LRP10: variants seen among roughly 807,000 people sequenced by gnomAD.
The protein encoded by LRP10 is low-density lipoprotein receptor-related protein 10.
LRP10 carries 42 observed loss-of-function variants against 58.5 expected under a neutral mutation model. That is an observed-to-expected ratio of 0.72 (90% confidence interval 0.56 to 0.93). The LOEUF (loss-of-function observed/expected upper bound fraction) is 0.93. LRP10 is among the 40% of genes least tolerant of loss of function. The pLI is 0.00. For missense variants in LRP10, 872 were observed against 940.1 expected (o/e 0.93, Z 0.95); for synonymous variants, 377 against 388.5 (o/e 0.97, Z 0.35).
rs1443532884 is a variant in LRP10 at position 22,877,737 on chromosome 14, C to T, written c.*210C>T. On this transcript the variant is annotated 3_prime_UTR_variant, in exon 7 of 7. Transcript: ENST00000359591. This position sits in a 1 kb window ranked among gnomAD's most constrained non-coding sequence, Gnocchi z 5.1. ...GAGGGCTCACAGAGTCTCCTCTGTA[C>T]GTGGCCATGGCCAGACACCCCAGTC... 1.2e-5 allele frequency: 6 copies of T among 494,094 alleles called. No individual in the cohort carries two copies. Among genetic ancestry groups the T allele is most frequent in the African/African-American group, 3.9e-5 (2 of 51,022 alleles). The allele number at this position is 494,094 out of a possible 1,614,324, so 30.6% of individuals were successfully genotyped here. A position where few individuals can be genotyped will look rare whatever the true frequency, so the allele number is the denominator to read the frequency against.
chr14:22,875,568 G>C lies in LRP10; in HGVS notation c.620G>C (p.Gly207Ala). The C allele has an allele frequency of 6.2e-7, 1 of 1,614,088 alleles. No homozygotes were observed. The highest frequency in any genetic ancestry group is 8.5e-7 in the Non-Finnish European group (1 of 1,179,992). ...EDFYGVFSSPGYTHLASVSHP... is the reference protein window; with the variant it reads ...EDFYGVFSSPAYTHLASVSHP... ...TTCTATGGGGTCTTCTCCTCTCCTG[G>C]ATATACACACCTAGCCTCAGTCTCC... Residue 207 changes from glycine to alanine, a missense_variant, in exon 5 of 7, where the codon GGA (glycine) becomes GCA (alanine). Coordinates refer to ENST00000359591, the MANE Select transcript of LRP10 (RefSeq NM_014045.5).
chr14:22,873,287 C>G (rs1338978594), intron 2 of LRP10, 24 bp from the exon 3 acceptor site: 3 of 1,605,994 alleles, frequency 1.9e-6, no homozygotes, highest in East Asian at 2.2e-5. Flanking sequence ...GTCTACTACC[C>G]GTGTCCTACC....
At chr14:22,874,963 C>G in intron 3 of LRP10, 92 bp from the exon 4 acceptor site, 1 of 871,468 alleles carries the variant, frequency 1.1e-6, no homozygotes, top group Non-Finnish European at 1.7e-6. Context: ...GTTTATGCTT[C>G]CTGGGACACA....
Position 22,875,785 on chromosome 14 carries a change from G to A in LRP10, c.837G>A (p.Leu279=). The change falls in exon 5 of 7, where the codon CTG becomes CTA. Residue 279 remains leucine, a synonymous_variant. Transcript: ENST00000359591. ...SNGKAVTVET[L]SGQAVVSYHT... is the part of the protein sequence containing the mutation. ...GCAAGGCTGTCACTGTGGAGACACT[G>A]TCTGGCCAGGCTGTTGTGTCCTACC... is the stretch of plus-strand genomic sequence containing the variant. The A allele has an allele frequency of 6.2e-7, 1 of 1,614,184 alleles. No homozygotes were observed. The highest frequency in any genetic ancestry group is 8.5e-7 in the Non-Finnish European group (1 of 1,180,014).
chr14:22,872,260 C>G lies in LRP10; in HGVS notation c.-44C>G, dbSNP rs2039962199. 6.2e-7 allele frequency: 1 copy of G among 1,610,910 alleles called. No homozygotes were observed. ...TCCGCCGCGACCCCATCGGGTAGAC[C>G]ACAGAAGCTCCGGGACCCTTCCGGC... On this transcript the variant is annotated 5_prime_UTR_variant, in exon 1 of 7. Transcript: ENST00000359591.
Position 22,879,348 on chromosome 14 carries a change from T to C in LRP10, c.*1821T>C. Reference sequence around the variant, plus strand: ...AGAGGGCTCTGGAGAACCTGGTTCTTGCTTACTGTTCTCCCTTTGGGCCCT... The same window carrying C: ...AGAGGGCTCTGGAGAACCTGGTTCTCGCTTACTGTTCTCCCTTTGGGCCCT... On this transcript the variant is annotated 3_prime_UTR_variant, in exon 7 of 7. Transcript: ENST00000359591. 2.9e-6 allele frequency: 1 copy of C among 350,310 alleles called. No homozygotes were observed. Among genetic ancestry groups the C allele is most frequent in the South Asian group, 2.0e-5 (1 of 50,502 alleles). 21.7% of individuals were successfully genotyped at this position (350,310 alleles called of 1,614,324 possible).
In LRP10 at chr14:22,875,710, G is replaced by A. The variant is rs142184150; in HGVS notation, c.762G>A (p.Gly254=). ...GDAVHVYDGP[G]PPESSRLLRS... ...CAGTGCATGTGTATGACGGCCCTGG[G>A]CCCCCTGAGAGCTCCCGACTACTGC... The change falls in exon 5 of 7, where the codon GGG becomes GGA. Residue 254 remains glycine, a synonymous_variant. Coordinates refer to ENST00000359591, the MANE Select transcript of LRP10 (RefSeq NM_014045.5). 815 of 1,613,762 alleles carry A rather than the reference G, an allele frequency of 5.1e-4. 3 individuals are homozygous for A. Among genetic ancestry groups the A allele is most frequent in the Non-Finnish European group, 6.5e-4 (767 of 1,179,826 alleles).
rs1566494162 is a variant in LRP10, at chr14:22,876,991, A to G, written c.1606A>G (p.Met536Val). ...TCTGCTACAGATCTTACGCCAGGAT[A>G]TGACTCCAGGAGGTGGCCCAGGTGC... ...RSLLQILRQDMTPGGGPGARR... is the reference protein window; with the variant it reads ...RSLLQILRQDVTPGGGPGARR... Residue 536 changes from methionine to valine, a missense_variant, in exon 7 of 7, where the codon ATG becomes GTG. Coordinates refer to ENST00000359591, the MANE Select transcript of LRP10 (RefSeq NM_014045.5). 1.2e-6 allele frequency: 2 copies of G among 1,607,614 alleles called. No individual in the cohort carries two copies. The highest frequency in any genetic ancestry group is 1.1e-5 in the South Asian group (1 of 90,268).
chr14:22,873,388 T>C lies in LRP10; in HGVS notation c.157T>C (p.Ser53Pro), dbSNP rs777228337. The part of the protein sequence containing the change: ...QRPLVRDSRT[S>P]PANCTWLILG... ...GCCCCTGGTCCGGGACAGCCGCACC[T>C]CCCCTGCCAACTGCACCTGGCTCAT... Residue 53 changes from serine (S) to proline (P), a missense_variant, in exon 3 of 7, where the codon TCC (serine) becomes CCC (proline). Physicochemically the swap from Ser to Pro is moderately conservative, Grantham distance 74 (BLOSUM62 -1). Transcript: ENST00000359591. The C allele has an allele frequency of 6.2e-7, 1 of 1,613,974 alleles. No individual in the cohort carries two copies. The highest frequency in any genetic ancestry group is 8.5e-7 in the Non-Finnish European group (1 of 1,179,966).
In LRP10 at chr14:22,877,429, G is replaced by A; in HGVS notation, c.2044G>A (p.Val682Ile). The part of the protein sequence containing the change: ...TRSPPGPHTA[V>I]LALEDEDDVL... ...GAGCCCCCCTGGACCCCACACAGCA[G>A]TCCTGGCCCTGGAAGATGAGGACGA... is the stretch of plus-strand genomic sequence containing the variant. Residue 682 changes from valine to isoleucine, a missense_variant, in exon 7 of 7, where the codon GTC becomes ATC. Transcript: ENST00000359591. The surrounding 1 kb of genome is among the most constrained non-coding windows in gnomAD (Gnocchi z 5.1). 1 of 1,613,812 alleles carries A rather than the reference G, an allele frequency of 6.2e-7. No homozygotes were observed. The highest frequency in any genetic ancestry group is 8.5e-7 in the Non-Finnish European group (1 of 1,179,950).
At position 22,877,453 on chromosome 14, in the gene LRP10, G is replaced by T; in HGVS notation, c.2068G>T (p.Asp690Tyr). The T allele has an allele frequency of 6.2e-7, 1 of 1,613,434 alleles. No homozygotes were observed. Among genetic ancestry groups the T allele is most frequent in the Non-Finnish European group, 8.5e-7 (1 of 1,179,908 alleles). ...TAVLALEDED[D>Y]VLLVPLAEPG... ...AGTCCTGGCCCTGGAAGATGAGGAC[G>T]ATGTGCTACTGGTGCCACTGGCTGA... Residue 690 changes from aspartate (D) to tyrosine (Y), a missense_variant, in exon 7 of 7, where the codon GAT becomes TAT. Coordinates refer to ENST00000359591, the MANE Select transcript of LRP10 (RefSeq NM_014045.5). This position sits in a 1 kb window ranked among gnomAD's most constrained non-coding sequence, Gnocchi z 5.1.
chr14:22,876,678 A>G lies in LRP10; in HGVS notation c.1425-11A>G. 1 of 1,612,598 alleles carries G rather than the reference A, an allele frequency of 6.2e-7. No individual in the cohort carries two copies. Among genetic ancestry groups the G allele is most frequent in the Non-Finnish European group, 8.5e-7 (1 of 1,179,218 alleles). Reference sequence around the variant, plus strand: ...AACTACCAGTGACTGAGCAGTCCTCATTCCTTCTAGCATCTTTGCCCCCCT... The same window carrying G: ...AACTACCAGTGACTGAGCAGTCCTCGTTCCTTCTAGCATCTTTGCCCCCCT... On this transcript the variant is annotated splice_polypyrimidine_tract_variant and intron_variant, in intron 5 of 6. Transcript: ENST00000359591.
rs746149096 is a variant in LRP10 at position 22,876,264 on chromosome 14, G to A, written c.1316G>A (p.Arg439His). ...TGGGACTGCTCCTATGTTCTGCCCC[G>A]CAAGGTCATTACAGCTGCAGTCATT... ...DEWDCSYVLPRKVITAAVIGS... is the reference protein window; with the variant it reads ...DEWDCSYVLPHKVITAAVIGS... Residue 439 changes from arginine (R) to histidine (H), a missense_variant, in exon 5 of 7, where the codon CGC becomes CAC. By Grantham distance (29) the Arg-to-His change is conservative. Coordinates refer to ENST00000359591, the MANE Select transcript of LRP10 (RefSeq NM_014045.5). 76 of 1,614,018 alleles carry A rather than the reference G, an allele frequency of 4.7e-5. No homozygotes were observed. The highest frequency in any genetic ancestry group is 6.6e-5 in the South Asian group (6 of 91,096).
Position 22,876,274 on chromosome 14 carries a change from T to C in LRP10, c.1326T>C (p.Ile442=). The change falls in exon 5 of 7, where the codon ATT becomes ATC. Residue 442 remains isoleucine, a synonymous_variant. Coordinates refer to ENST00000359591, the MANE Select transcript of LRP10 (RefSeq NM_014045.5). The part of the protein sequence containing the change: ...DCSYVLPRKV[I]TAAVIGSLVC... Reference sequence around the variant, plus strand: ...CCTATGTTCTGCCCCGCAAGGTCATTACAGCTGCAGTCATTGGCAGCCTAG... The same window carrying C: ...CCTATGTTCTGCCCCGCAAGGTCATCACAGCTGCAGTCATTGGCAGCCTAG... 6.2e-7 allele frequency: 1 copy of C among 1,614,170 alleles called. No individual in the cohort carries two copies. Among genetic ancestry groups the C allele is most frequent in the Non-Finnish European group, 8.5e-7 (1 of 1,180,030 alleles).
In LRP10 at chr14:22,877,217, A is replaced by T. The variant is rs1301045070; in HGVS notation, c.1832A>T (p.Glu611Val). Residue 611 changes from glutamate (E) to valine (V), a missense_variant, in exon 7 of 7, where the codon GAG becomes GTG. Physicochemically the swap from Glu to Val is moderately radical, Grantham distance 121. Transcript: ENST00000359591. The surrounding 1 kb of genome is among the most constrained non-coding windows in gnomAD (Gnocchi z 5.1). ...EGGAVGGQDG[E>V]QAPPLPIKAP... ...GGGGCAGTGGGTGGGCAAGATGGGG[A>T]GCAGGCACCCCCACTGCCCATCAAG... is the stretch of plus-strand genomic sequence containing the variant. 2 of 1,600,948 alleles carry T rather than the reference A, an allele frequency of 1.2e-6. No homozygotes were observed. Among genetic ancestry groups the T allele is most frequent in the Non-Finnish European group, 1.7e-6 (2 of 1,173,982 alleles).
At position 22,875,672 on chromosome 14, in the gene LRP10, G is replaced by C. The variant is rs759537307; in HGVS notation, c.724G>C (p.Gly242Arg). ...CGTGCGCTTCACAGCCCTGGACTTG[G>C]GCTTTGGAGATGCAGTGCATGTGTA... Reference protein sequence around the residue: ...LAVRFTALDLGFGDAVHVYDG... With the variant: ...LAVRFTALDLRFGDAVHVYDG... Residue 242 changes from glycine to arginine, a missense_variant, in exon 5 of 7, where the codon GGC becomes CGC. Transcript: ENST00000359591. 8 of 1,614,008 alleles carry C rather than the reference G, an allele frequency of 5.0e-6. No homozygotes were observed. In the Admixed American group the frequency reaches 1.2e-4, roughly 24 times the overall value.
Position 22,872,206 on chromosome 14 carries a change from C to T in LRP10, c.-98C>T. On this transcript the variant is annotated 5_prime_UTR_variant, in exon 1 of 7. Coordinates refer to ENST00000359591, the MANE Select transcript of LRP10 (RefSeq NM_014045.5). ...GGGCCATGGAGCCCCCCTGGGGAGG[C>T]GGCACCAGGGAGCCTGGGCGCCCGG... 2 of 1,262,486 alleles carry T rather than the reference C, an allele frequency of 1.6e-6. No homozygotes were observed. The highest frequency in any genetic ancestry group is 2.3e-6 in the Non-Finnish European group (2 of 860,790). 78.2% of individuals were successfully genotyped at this position (1,262,486 alleles called of 1,614,324 possible).
chr14:22,878,604 T>G lies in LRP10; in HGVS notation c.*1077T>G, dbSNP rs1595032733. On this transcript the variant is annotated 3_prime_UTR_variant, in exon 7 of 7. Coordinates refer to ENST00000359591, the MANE Select transcript of LRP10 (RefSeq NM_014045.5). ...AGGGAGAATTCACAAACATTCAGGGTGTGTGGTGCTGGCATCACCATGGCC... is the reference window on the plus strand; with the variant it reads ...AGGGAGAATTCACAAACATTCAGGGGGTGTGGTGCTGGCATCACCATGGCC... The G allele has an allele frequency of 2.0e-5, 3 of 153,340 alleles. No individual in the cohort carries two copies. Among genetic ancestry groups the G allele is most frequent in the South Asian group, 4.1e-4 (2 of 4,936 alleles). The allele number at this position is 153,340 out of a possible 1,614,324, so 9.5% of individuals were successfully genotyped here.
Position 22,873,416 on chromosome 14 carries a change from T to C in LRP10, c.185T>C (p.Leu62Pro), listed in dbSNP as rs369798065. Residue 62 changes from leucine (L) to proline (P), a missense_variant, in exon 3 of 7, where the codon CTG becomes CCG. Physicochemically the swap from Leu to Pro is moderately conservative, Grantham distance 98 (BLOSUM62 -3). Coordinates refer to ENST00000359591, the MANE Select transcript of LRP10 (RefSeq NM_014045.5). ...TSPANCTWLILGSKEQTVTIR... is the reference protein window; with the variant it reads ...TSPANCTWLIPGSKEQTVTIR... ...CCTGCCAACTGCACCTGGCTCATCC[T>C]GGGCAGCAAGGAACAGACTGTCACC... 4.3e-6 allele frequency: 7 copies of C among 1,614,142 alleles called. No homozygotes were observed. In the African/African-American group the frequency reaches 9.3e-5, roughly 22 times the overall value.
Sources: allele counts gnomAD v4.1 joint callset, GRCh38; gene constraint gnomAD v4.1.1; non-coding constraint Gnocchi (gnomAD v3.1); transcripts MANE v1.5; gene names NCBI Gene and HGNC (gene_info 2026-07-23, HGNC 2026-07-21).